Variants in GALNTL6 observed in about 807,000 individuals in gnomAD.
GALNTL6 encodes the protein polypeptide N-acetylgalactosaminyltransferase-like 6.
GALNTL6 carries 46 observed loss-of-function variants against 73.7 expected under a neutral mutation model. The observed-to-expected ratio is 0.62, with a 90% CI of 0.49 to 0.80. GALNTL6 has a LOEUF of 0.80. Among genes scored for constraint, GALNTL6 ranks in the 30% least tolerant of loss-of-function variants. The pLI is 0.00. For missense variants in GALNTL6, 604 were observed against 755.0 expected, an observed-to-expected ratio of 0.80 and a Z score of 2.34; for synonymous variants, 259 against 263.7, an observed-to-expected ratio of 0.98 and a Z score of 0.17.
chr4:172,842,025 G>A (rs1304848560), intron 7 of GALNTL6, among the ~76,000 whole-genome samples: 2 of 152,142 alleles, frequency 1.3e-5, no homozygotes, highest in Non-Finnish European at 2.9e-5. Context: ...CTGTGAGTTA[G>A]GCCAGGCTTG....
intron 5 of GALNTL6, among the ~76,000 whole-genome samples, chr4:172,411,322 A>G (rs760324337): frequency 4.6e-5 from 7 of 152,164 alleles, no homozygotes; most frequent in Non-Finnish European, 8.8e-5. Flanking sequence ...ATTAACTGAT[A>G]TTGGTGATGT....
At position 172,475,495 on chromosome 4, in the gene GALNTL6, G is replaced by T. The variant is rs576235236; in HGVS notation, c.553+126806G>T. On this transcript the variant is annotated intron_variant, in intron 5 of 12. Transcript: ENST00000506823. ...GGTGCAGTATTAGACATCCAAAAAG[G>T]CATTTAGGCAGGTGTTTTTCCAAGT... Among the ~76,000 whole-genome samples the T allele has an allele frequency of 3.9e-4, 59 of 151,848 alleles. 1 individual carries two copies. Among genetic ancestry groups the T allele is most frequent in the African/African-American group, 1.3e-3 (55 of 41,414 alleles).
At chr4:171,872,850 G>T (rs1736175496) in intron 2 of GALNTL6, among the ~76,000 whole-genome samples, 1 of 152,096 alleles carries the variant, frequency 6.6e-6, no homozygotes. Context: ...TGGATGTTAG[G>T]ACTCCAACAT....
intron 3 of GALNTL6, among the ~76,000 whole-genome samples, chr4:172,254,622 A>C (rs184019945): frequency 2.0e-5 from 3 of 151,878 alleles, no homozygotes; most frequent in Admixed American, 2.0e-4. Flanking sequence ...ATAGAACAGG[A>C]GAATAATAAG....
intron 2 of GALNTL6, among the ~76,000 whole-genome samples, chr4:172,221,274 A>C (rs1736666729): frequency 6.6e-6 from 1 of 151,808 alleles, no homozygotes; most frequent in Non-Finnish European, 1.5e-5. Context: ...ATAGCATCAC[A>C]GTTTAAGATA....
At chr4:172,891,453 T>C (rs943007465) in intron 8 of GALNTL6, among the ~76,000 whole-genome samples, 2 of 152,222 alleles carry the variant, frequency 1.3e-5, no homozygotes, top group South Asian at 4.1e-4. Flanking sequence ...TGGAATTTTT[T>C]TATTTAAGAA....
chr4:172,195,268 G>A (rs1462704207), intron 2 of GALNTL6, among the ~76,000 whole-genome samples: 2 of 151,984 alleles, frequency 1.3e-5, no homozygotes, highest in African/African-American at 4.8e-5. Context: ...ACCCAATACA[G>A]GAGCACCCAG....
At chr4:172,492,725 A>G (rs912078295) in intron 5 of GALNTL6, among the ~76,000 whole-genome samples, 4 of 152,178 alleles carry the variant, frequency 2.6e-5, no homozygotes, top group Middle Eastern at 3.2e-3. Context: ...TAAAATGGAG[A>G]TGGTAATACC....
chr4:173,020,350 G>A (rs1484253581), intron 11 of GALNTL6, among the ~76,000 whole-genome samples: 4 of 152,156 alleles, frequency 2.6e-5, no homozygotes, highest in Admixed American at 2.6e-4. Flanking sequence ...GATAGAATGG[G>A]ATAATATAAT....
At chr4:172,092,644 C>G (rs1027574640) in intron 2 of GALNTL6, among the ~76,000 whole-genome samples, 1 of 151,768 alleles carries the variant, frequency 6.6e-6, no homozygotes, top group African/African-American at 2.4e-5. Context: ...TATTTCAAAA[C>G]GCAAAAACTT....
chr4:172,921,022 G>A (rs984400888), intron 8 of GALNTL6, among the ~76,000 whole-genome samples: 2 of 152,200 alleles, frequency 1.3e-5, no homozygotes, highest in Non-Finnish European at 2.9e-5. Flanking sequence ...ACTTGAAGGA[G>A]ATGAGGGAAC....
chr4:172,610,588 G>A (rs899478954), intron 5 of GALNTL6, among the ~76,000 whole-genome samples: 6 of 151,894 alleles, frequency 4.0e-5, no homozygotes, highest in South Asian at 2.1e-4. Flanking sequence ...TTGAACTGTT[G>A]GGAATTGCTT....
Position 172,305,653 on chromosome 4 carries a change from G to A in GALNTL6, c.248-5961G>A, listed in dbSNP as rs146043614. 2.6e-3 allele frequency among the ~76,000 whole-genome samples: 394 copies of A among 152,186 alleles called. 5 individuals carry two copies. The highest frequency in any genetic ancestry group is 8.5e-3 in the African/African-American group (353 of 41,534). On this transcript the variant is annotated intron_variant, in intron 3 of 12. Transcript: ENST00000506823. ...TTGTTTGCAAAAGCAATGTAAGACT[G>A]TATGAGACAATATAAACCTTGAGGC...
chr4:172,332,533 T>A (rs952333261), intron 4 of GALNTL6, among the ~76,000 whole-genome samples: 5 of 151,526 alleles, frequency 3.3e-5, no homozygotes, highest in African/African-American at 1.2e-4. Context: ...GTTTTTTTTT[T>A]TACCTCCCAC....
chr4:172,876,307 T>A (rs1745191895), intron 7 of GALNTL6, among the ~76,000 whole-genome samples: 1 of 152,222 alleles, frequency 6.6e-6, no homozygotes, highest in Non-Finnish European at 1.5e-5. Context: ...ATAATTTTGT[T>A]TTCTTCCTCA....
Position 172,642,030 on chromosome 4 carries a change from A to G in GALNTL6, c.554-167331A>G, listed in dbSNP as rs575449902. Reference sequence around the variant, plus strand: ...ATGAAAATTAAAACTACAGTGAAATATCATCCTACATCTATTAGAATGGTT... The same window carrying G: ...ATGAAAATTAAAACTACAGTGAAATGTCATCCTACATCTATTAGAATGGTT... On this transcript the variant is annotated intron_variant, in intron 5 of 12. Transcript: ENST00000506823. 2.4e-3 allele frequency among the ~76,000 whole-genome samples: 367 copies of G among 152,238 alleles called. 2 individuals carry two copies. Among genetic ancestry groups the G allele is most frequent in the African/African-American group, 8.3e-3 (344 of 41,570 alleles).
At chr4:172,246,326 G>A (rs887071667) in intron 3 of GALNTL6, among the ~76,000 whole-genome samples, 10 of 152,000 alleles carry the variant, frequency 6.6e-5, no homozygotes, top group African/African-American at 2.4e-4. Flanking sequence ...AATAGTATTT[G>A]GTCATAGATA....
chr4:172,054,687 G>A (rs1041763953), intron 2 of GALNTL6, among the ~76,000 whole-genome samples: 1 of 152,114 alleles, frequency 6.6e-6, no homozygotes, highest in South Asian at 2.1e-4. Context: ...TGAGGGTTAC[G>A]TTTCAACATA....
chr4:172,993,251 A>G (rs576276739), intron 10 of GALNTL6, among the ~76,000 whole-genome samples: 1 of 152,338 alleles, frequency 6.6e-6, no homozygotes, highest in African/African-American at 2.4e-5. Flanking sequence ...GGATGTGTGC[A>G]CACAGAGAAA....
Sources: allele counts gnomAD v4.1 joint callset (sites outside exome capture counted in the v4.1 genomes callset), GRCh38; gene constraint gnomAD v4.1.1; transcripts MANE v1.5; gene names NCBI Gene and HGNC (gene_info 2026-07-23, HGNC 2026-07-21).